ATP10B: variants seen among roughly 807,000 people sequenced by gnomAD.
ATP10B encodes phospholipid-transporting ATPase VB.
Under a neutral mutation model 141.2 loss-of-function variants are expected in ATP10B, and 122 were observed. That is an observed-to-expected ratio of 0.86 (90% confidence interval 0.75 to 1.00). ATP10B has a LOEUF of 1.00. Among genes scored for constraint, ATP10B ranks in the 50% least tolerant of loss-of-function variants. The pLI, the probability that ATP10B is intolerant of heterozygous loss-of-function variation, is 0.00. For synonymous variants in ATP10B, 685 were observed against 692.0 expected, an observed-to-expected ratio of 0.99 and a Z score of 0.16; for missense variants, 1,876 against 1,825.3, an observed-to-expected ratio of 1.03 and a Z score of -0.51.
chr5:160,580,388 C>T (rs1034467094), intron 24 of ATP10B, among the ~76,000 whole-genome samples: 19 of 152,248 alleles, frequency 1.2e-4, no homozygotes, highest in East Asian at 7.7e-4. Flanking sequence ...TGAATTTTAT[C>T]GAAGGCCTTT....
At chr5:160,899,808 T>A in the ATP10B span, among the ~76,000 whole-genome samples, 1 of 152,164 alleles carries the variant, frequency 6.6e-6, no homozygotes, top group Admixed American at 6.5e-5. Flanking sequence ...CTCCTGTCAG[T>A]GGATATAATG....
the ATP10B span, among the ~76,000 whole-genome samples, chr5:160,878,589 C>T: frequency 0.11 from 17,317 of 150,584 alleles, 1,197 homozygotes; most frequent in East Asian, 0.18. Flanking sequence ...ACCGTCAGAG[C>T]GAACAGGCAA....
chr5:160,665,101 G>A (rs75961231), intron 7 of ATP10B, among the ~76,000 whole-genome samples: 1 of 151,642 alleles, frequency 6.6e-6, no homozygotes, highest in East Asian at 1.9e-4. Flanking sequence ...TCAAAAATAG[G>A]TCAATAATTT....
At chr5:160,865,465 C>A in the ATP10B span, among the ~76,000 whole-genome samples, 1 of 151,948 alleles carries the variant, frequency 6.6e-6, no homozygotes, top group African/African-American at 2.4e-5. Flanking sequence ...TGAAACCATA[C>A]AAATTCTAGA....
At chr5:160,839,988 T>C (rs186703349) in intron 1 of ATP10B, among the ~76,000 whole-genome samples, 13 of 152,110 alleles carry the variant, frequency 8.5e-5, no homozygotes, top group Non-Finnish European at 1.5e-5. Context: ...TAAGAAAATT[T>C]TATTTACAAT....
chr5:160,688,174 A>G, intron 4 of ATP10B, 80 bp from the exon 5 acceptor site: 5 of 1,431,054 alleles, frequency 3.5e-6, no homozygotes, highest in Non-Finnish European at 4.7e-6. Context: ...CCATCCATGC[A>G]GGGTAGACAC....
chr5:160,826,454 T>C (rs1020675944), intron 1 of ATP10B, among the ~76,000 whole-genome samples: 1 of 152,188 alleles, frequency 6.6e-6, no homozygotes, highest in African/African-American at 2.4e-5. Context: ...TCCTTTTATC[T>C]TCGTAAGCTG....
At chr5:160,868,465 A>G in the ATP10B span, among the ~76,000 whole-genome samples, 1 of 151,826 alleles carries the variant, frequency 6.6e-6, no homozygotes, top group African/African-American at 2.4e-5. Flanking sequence ...TCTTTAAAAG[A>G]GAAAAACCTT....
intron 3 of ATP10B, among the ~76,000 whole-genome samples, chr5:160,716,327 C>G (rs979046956): frequency 6.6e-6 from 1 of 152,168 alleles, no homozygotes; most frequent in African/African-American, 2.4e-5. Context: ...ACTATAAGCA[C>G]TTTGCATGTC....
chr5:160,714,665 C>A lies in ATP10B; in HGVS notation c.-205+2244G>T, dbSNP rs59445184. On this transcript the variant is annotated intron_variant, in intron 3 of 25. Coordinates refer to ENST00000327245, the MANE Select transcript of ATP10B (RefSeq NM_025153.3). ...TTGTTCTGTTGCTGGTGAGGAACTG[C>A]GTTCCTTTGGAGGAGGAGAGGCGCT... 2.6e-4 allele frequency among the ~76,000 whole-genome samples: 29 copies of A among 112,776 alleles called. 1 individual carries two copies. Among genetic ancestry groups the A allele is most frequent in the African/African-American group, 1.1e-3 (29 of 27,286 alleles). The allele number at this position is 112,776 out of a possible 152,430, so 74.0% of individuals were successfully genotyped here.
the ATP10B span, among the ~76,000 whole-genome samples, chr5:160,889,624 T>C: frequency 6.6e-6 from 1 of 152,190 alleles, no homozygotes; most frequent in Non-Finnish European, 1.5e-5. Flanking sequence ...ACAAAGAATC[T>C]ATCCCGTGGA....
At chr5:160,620,235 G>T in intron 15 of ATP10B, 112 bp downstream of exon 15, 1 of 1,376,998 alleles carries the variant, frequency 7.3e-7, no homozygotes, top group Non-Finnish European at 9.9e-7. Context: ...TATTCCAGTT[G>T]GGACCTGCCA....
chr5:160,588,541 T>C (rs1051571612), intron 24 of ATP10B, among the ~76,000 whole-genome samples: 2 of 152,244 alleles, frequency 1.3e-5, no homozygotes, highest in Non-Finnish European at 2.9e-5. Flanking sequence ...AAGTGTTCCC[T>C]GTGTACCATT....
chr5:160,678,303 A>C lies in ATP10B; in HGVS notation c.471-7636T>G, dbSNP rs374778714. Among the ~76,000 whole-genome samples, 93 of 152,332 alleles carry C rather than the reference A, an allele frequency of 6.1e-4. 2 individuals are homozygous for C. The East Asian group carries it at 0.018, about 29-fold the overall frequency. Reference sequence around the variant, plus strand: ...GTATGTGTAGGACACACAGCAAAAAAGATAAAGCCTCAGGCTGGGGTTGGC... The same window carrying C: ...GTATGTGTAGGACACACAGCAAAAACGATAAAGCCTCAGGCTGGGGTTGGC... On this transcript the variant is annotated intron_variant, in intron 6 of 25. Transcript: ENST00000327245.
At chr5:160,875,783 AAAG>A in the ATP10B span, among the ~76,000 whole-genome samples, 11 of 59,530 alleles carry the variant, frequency 1.8e-4, 1 homozygote, top group East Asian at 2.0e-3. Flanking sequence ...CAAAAGAGAC[AAAG>A]AAGGCCATTA....
chr5:160,900,719 CA>C, the ATP10B span, among the ~76,000 whole-genome samples: 12 of 152,046 alleles, frequency 7.9e-5, no homozygotes, highest in African/African-American at 2.9e-4. Context: ...AAGATTAGGC[CA>C]TATGTATACA....
rs1395985568 is a variant in ATP10B, at chr5:160,851,937, T to G, written c.-576+4A>C. The G allele has an allele frequency of 6.6e-6, 1 of 152,276 alleles. No individual in the cohort carries two copies. The highest frequency in any genetic ancestry group is 1.9e-4 in the East Asian group (1 of 5,180). The allele number at this position is 152,276 out of a possible 1,614,324, so 9.4% of individuals were successfully genotyped here. Reference sequence around the variant, plus strand: ...TAGGTTAAGGCCAGGATGCTTTTACTTACCCCAGCAAAGCTGACGTCCCTA... The same window carrying G: ...TAGGTTAAGGCCAGGATGCTTTTACGTACCCCAGCAAAGCTGACGTCCCTA... On this transcript the variant is annotated splice_donor_region_variant and intron_variant, in intron 1 of 25. Coordinates refer to ENST00000327245, the MANE Select transcript of ATP10B (RefSeq NM_025153.3).
chr5:160,568,685 C>T (rs1015586283), intron 25 of ATP10B, among the ~76,000 whole-genome samples: 20 of 152,256 alleles, frequency 1.3e-4, no homozygotes, highest in Non-Finnish European at 1.9e-4. Flanking sequence ...GGTACTTCAG[C>T]TGTCCCATGA....
At chr5:160,709,224 C>T (rs1765207540) in intron 3 of ATP10B, among the ~76,000 whole-genome samples, 3 of 152,118 alleles carry the variant, frequency 2.0e-5, no homozygotes, top group Admixed American at 6.5e-5. Context: ...ACTCTTAGGG[C>T]ACAGGTATCA....
Sources: gnomAD v4.1 joint callset for allele counts (sites outside exome capture counted in the v4.1 genomes callset) on GRCh38, gnomAD v4.1.1 for gene constraint, MANE v1.5 for transcripts, NCBI Gene and HGNC (gene_info 2026-07-23, HGNC 2026-07-21) for gene names.